The following GRM8 variants were observed in gnomAD, a reference collection of about 807,000 sequenced individuals.
The protein encoded by GRM8 is glutamate metabotropic receptor 8.
Under a neutral mutation model 87.2 loss-of-function variants are expected in GRM8, and 47 were observed. The observed-to-expected ratio is 0.54, with a 90% CI of 0.43 to 0.69. GRM8 has a LOEUF of 0.69. GRM8 is among the 30% of genes least tolerant of loss of function. The pLI, the probability that GRM8 is intolerant of heterozygous loss-of-function variation, is 0.00. For missense variants in GRM8, 1,019 were observed against 1,139.2 expected (o/e 0.89, Z 1.52); for synonymous variants, 396 against 404.5 (o/e 0.98, Z 0.25).
At chr7:126,529,242 T>C (rs1211572204) in intron 9 of GRM8, among the ~76,000 whole-genome samples, 2 of 152,212 alleles carry the variant, frequency 1.3e-5, no homozygotes, top group African/African-American at 4.8e-5. Context: ...AAGATTCCCA[T>C]TGTGCTATAG....
intron 3 of GRM8, among the ~76,000 whole-genome samples, chr7:126,998,961 G>A (rs1291715646): frequency 1.3e-5 from 2 of 151,830 alleles, no homozygotes; most frequent in African/African-American, 4.8e-5. Flanking sequence ...GATATCCTGA[G>A]CAAAAAGAAC....
intron 6 of GRM8, among the ~76,000 whole-genome samples, chr7:126,775,607 A>G (rs1819381934): frequency 6.6e-6 from 1 of 150,928 alleles, no homozygotes; most frequent in Non-Finnish European, 1.5e-5. Flanking sequence ...CCAGAGCACT[A>G]GGATCCACAC....
At position 126,584,285 on chromosome 7, in the gene GRM8, G is replaced by C. The variant is rs185996416; in HGVS notation, c.1494+25077C>G. On this transcript the variant is annotated intron_variant, in intron 8 of 10. Coordinates refer to ENST00000339582, the MANE Select transcript of GRM8 (RefSeq NM_000845.3). Reference sequence around the variant, plus strand: ...CCATAACCCAGGCTGGAGTGCAGTGGTGCAATCTGGGCTCATTGCAACTCC... The same window carrying C: ...CCATAACCCAGGCTGGAGTGCAGTGCTGCAATCTGGGCTCATTGCAACTCC... 2.9e-3 allele frequency among the ~76,000 whole-genome samples: 430 copies of C among 146,100 alleles called. 3 individuals are homozygous for C. The highest frequency in any genetic ancestry group is 3.6e-3 in the Non-Finnish European group (234 of 64,944).
chr7:127,241,424 A>T (rs1456783479), intron 2 of GRM8, among the ~76,000 whole-genome samples: 4 of 143,106 alleles, frequency 2.8e-5, no homozygotes, highest in Non-Finnish European at 6.0e-5. Context: ...TGTGCATAGG[A>T]CCTTTTTTTT....
chr7:126,853,940 C>T (rs1797453185), intron 6 of GRM8, among the ~76,000 whole-genome samples: 1 of 152,168 alleles, frequency 6.6e-6, no homozygotes, highest in Non-Finnish European at 1.5e-5. Context: ...CCCATGCTTG[C>T]CCATCAGTGG....
intron 3 of GRM8, among the ~76,000 whole-genome samples, chr7:127,014,998 AAGAAAGAAG>A (rs1306227154): frequency 6.0e-5 from 7 of 116,802 alleles, no homozygotes; most frequent in Non-Finnish European, 8.5e-5. Context: ...GAAGAAGAAG[AAGAAAGAAG>A]AAGAAGAAGA....
chr7:126,830,550 C>T (rs1586116413), intron 6 of GRM8, among the ~76,000 whole-genome samples: 1 of 152,188 alleles, frequency 6.6e-6, no homozygotes, highest in Non-Finnish European at 1.5e-5. Flanking sequence ...GCTTTCAGCT[C>T]CATCAGCTCC....
chr7:126,928,730 C>T (rs1395747658), intron 3 of GRM8, among the ~76,000 whole-genome samples: 2 of 150,474 alleles, frequency 1.3e-5, no homozygotes, highest in Non-Finnish European at 3.0e-5. Context: ...CTAAAAGATA[C>T]ATAAAATAGT....
chr7:127,168,528 T>C (rs1056584199), intron 2 of GRM8, among the ~76,000 whole-genome samples: 1 of 152,166 alleles, frequency 6.6e-6, no homozygotes, highest in African/African-American at 2.4e-5. Flanking sequence ...TTATAAATCT[T>C]TCTACTATAA....
At chr7:126,571,291 T>A (rs759448371) in intron 8 of GRM8, among the ~76,000 whole-genome samples, 7 of 152,212 alleles carry the variant, frequency 4.6e-5, no homozygotes, top group African/African-American at 1.7e-4. Context: ...CAAGACAGCT[T>A]CAATTACAAT....
At chr7:127,115,048 T>G (rs1782700612) in intron 2 of GRM8, among the ~76,000 whole-genome samples, 1 of 151,998 alleles carries the variant, frequency 6.6e-6, no homozygotes, top group African/African-American at 2.4e-5. Context: ...CCTTGAGGGG[T>G]GCAGTAATCT....
At chr7:126,854,796 A>G (rs1035187086) in intron 6 of GRM8, among the ~76,000 whole-genome samples, 3 of 152,222 alleles carry the variant, frequency 2.0e-5, no homozygotes, top group African/African-American at 7.2e-5. Context: ...AATATTCCTT[A>G]AGGGTAATAA....
chr7:126,850,955 T>C (rs1223062770), intron 6 of GRM8, among the ~76,000 whole-genome samples: 2 of 152,126 alleles, frequency 1.3e-5, no homozygotes, highest in East Asian at 3.9e-4. Flanking sequence ...ATCAATATAC[T>C]GAATATTCTC....
intron 7 of GRM8, among the ~76,000 whole-genome samples, chr7:126,619,122 C>T (rs1448145197): frequency 2.6e-5 from 4 of 152,180 alleles, no homozygotes; most frequent in African/African-American, 9.7e-5. Flanking sequence ...TTGGAACTAA[C>T]CCAAATGTCC....
chr7:127,234,635 G>A (rs1797880405), intron 2 of GRM8, among the ~76,000 whole-genome samples: 1 of 152,198 alleles, frequency 6.6e-6, no homozygotes, highest in Non-Finnish European at 1.5e-5. Flanking sequence ...AGCAGCATCA[G>A]CATCACCTGG....
chr7:127,008,176 T>C (rs985484152), intron 3 of GRM8, among the ~76,000 whole-genome samples: 2 of 152,064 alleles, frequency 1.3e-5, no homozygotes, highest in Non-Finnish European at 2.9e-5. Context: ...TTTGATTATA[T>C]GATACAAAGA....
chr7:126,961,666 C>A (rs908899844), intron 3 of GRM8, among the ~76,000 whole-genome samples: 4 of 152,198 alleles, frequency 2.6e-5, no homozygotes, highest in African/African-American at 9.7e-5. Context: ...TGTACATGTT[C>A]TGTTTTCATA....
At chr7:126,656,826 T>A (rs1297035811) in intron 7 of GRM8, among the ~76,000 whole-genome samples, 4 of 152,118 alleles carry the variant, frequency 2.6e-5, no homozygotes, top group East Asian at 3.8e-4. Context: ...ATAATAATAA[T>A]AAAAAGTTAT....
chr7:126,512,130 C>G (rs979654434), intron 9 of GRM8: 7 of 152,074 alleles, frequency 4.6e-5, no homozygotes, highest in African/African-American at 1.7e-4. Flanking sequence ...CCTTCTCCCC[C>G]AGCAGAGAGG....
Sources: allele counts gnomAD v4.1 joint callset (sites outside exome capture counted in the v4.1 genomes callset), GRCh38; gene constraint gnomAD v4.1.1; transcripts MANE v1.5; gene names NCBI Gene and HGNC (gene_info 2026-07-23, HGNC 2026-07-21).